The following LMBR1 variants were observed in gnomAD, a reference collection of about 807,000 sequenced individuals.
LMBR1 encodes the protein limb development membrane protein 1.
Under a neutral mutation model 73.9 loss-of-function variants are expected in LMBR1, and 52 were observed. The ratio of observed to expected loss-of-function variants is 0.70; its 90% CI spans 0.56 to 0.89. The LOEUF is 0.89. Among genes scored for constraint, LMBR1 ranks in the 40% least tolerant of loss-of-function variants. The pLI is 0.00. For synonymous variants in LMBR1, 215 were observed against 209.4 expected (o/e 1.03, Z -0.23); for missense variants, 539 against 579.8 (o/e 0.93, Z 0.72).
chr7:156,839,984 A>G (rs1372255283), intron 1 of LMBR1, among the ~76,000 whole-genome samples: 1 of 152,240 alleles, frequency 6.6e-6, no homozygotes, highest in Admixed American at 6.5e-5. Flanking sequence ...TTACAATGGA[A>G]TGAAGTCTGA....
chr7:156,853,622 A>G (rs2134105802), intron 1 of LMBR1, among the ~76,000 whole-genome samples: 1 of 152,212 alleles, frequency 6.6e-6, no homozygotes, highest in Non-Finnish European at 1.5e-5. Context: ...CAAATGATGA[A>G]CCCAAAGGAA....
intron 4 of LMBR1, chr7:156,822,291 T>C (rs1834910532): frequency 6.6e-6 from 1 of 152,222 alleles, no homozygotes; most frequent in South Asian, 2.1e-4. Context: ...ATACATATAT[T>C]CCACTTACTA....
intron 1 of LMBR1, among the ~76,000 whole-genome samples, chr7:156,841,437 T>A (rs1290622494): frequency 6.6e-6 from 1 of 151,598 alleles, no homozygotes; most frequent in Non-Finnish European, 1.5e-5. Context: ...TCCCAGGGAG[T>A]AAGTATAGCC....
chr7:156,730,168 G>A (rs1036284134), intron 10 of LMBR1, among the ~76,000 whole-genome samples: 4 of 152,198 alleles, frequency 2.6e-5, no homozygotes, highest in African/African-American at 9.7e-5. Flanking sequence ...CAAAACTTGA[G>A]AGGCTATGAT....
intron 9 of LMBR1, among the ~76,000 whole-genome samples, chr7:156,748,615 A>G (rs563787686): frequency 6.6e-6 from 1 of 152,050 alleles, no homozygotes; most frequent in East Asian, 1.9e-4. Flanking sequence ...CAGCCTCCCG[A>G]GTAGCTGGGA....
At chr7:156,876,946 G>A (rs1371583491) in intron 1 of LMBR1, among the ~76,000 whole-genome samples, 4 of 151,954 alleles carry the variant, frequency 2.6e-5, no homozygotes, top group East Asian at 1.9e-4. Context: ...CCCAAACCCA[G>A]CAGAAGAAAG....
chr7:156,817,569 T>C (rs1459951753), intron 4 of LMBR1, among the ~76,000 whole-genome samples: 1 of 152,024 alleles, frequency 6.6e-6, no homozygotes, highest in Non-Finnish European at 1.5e-5. Context: ...AGAATTAGAA[T>C]AGCCTCTGCT....
At chr7:156,768,251 G>A (rs1824499156) in intron 5 of LMBR1, among the ~76,000 whole-genome samples, 1 of 151,962 alleles carries the variant, frequency 6.6e-6, no homozygotes, top group Non-Finnish European at 1.5e-5. Flanking sequence ...CAGCTACTTG[G>A]GAGGCTGAGG....
At chr7:156,841,321 TA>T (rs763136226) in intron 1 of LMBR1, among the ~76,000 whole-genome samples, 1 of 152,028 alleles carries the variant, frequency 6.6e-6, no homozygotes, top group Non-Finnish European at 1.5e-5. Flanking sequence ...GGCAGTTGGA[TA>T]AAAATCTGTA....
chr7:156,741,077 T>C (rs1167461344), intron 9 of LMBR1, among the ~76,000 whole-genome samples: 1 of 152,180 alleles, frequency 6.6e-6, no homozygotes, highest in Non-Finnish European at 1.5e-5. Flanking sequence ...ATGTGTTAAG[T>C]TGCCCTCAGT....
At chr7:156,717,074 G>A (rs1209129516) in intron 15 of LMBR1, among the ~76,000 whole-genome samples, 1 of 152,190 alleles carries the variant, frequency 6.6e-6, no homozygotes, top group Non-Finnish European at 1.5e-5. Flanking sequence ...AGAAGGTGGA[G>A]GCTGCAGTGA....
rs190601085 is a variant in LMBR1, at chr7:156,876,065, C to T, written c.66+16863G>A. ...TAAGAATTCACCAACTATCTGCTGC[C>T]TTCAAGAGACTCACCTAACACATAA... On this transcript the variant is annotated intron_variant, in intron 1 of 16. Transcript: ENST00000353442. 9.2e-5 allele frequency among the ~76,000 whole-genome samples: 14 copies of T among 152,268 alleles called. No individual in the cohort carries two copies. The East Asian group carries it at 2.7e-3, about 29-fold the overall frequency.
chr7:156,892,862 G>A (rs1392750768), intron 1 of LMBR1, 66 bp downstream of exon 1: 2 of 1,262,534 alleles, frequency 1.6e-6, no homozygotes, highest in Admixed American at 3.5e-5. Flanking sequence ...CCGGGGGCCC[G>A]GGGGCGGGGA....
intron 1 of LMBR1, among the ~76,000 whole-genome samples, chr7:156,856,650 A>G (rs1797010172): frequency 6.6e-6 from 1 of 151,814 alleles, no homozygotes; most frequent in Non-Finnish European, 1.5e-5. Context: ...TGAATCTGAG[A>G]GGCAGAGGTC....
At chr7:156,701,557 C>A (rs1036762523) in intron 15 of LMBR1, among the ~76,000 whole-genome samples, 1 of 152,202 alleles carries the variant, frequency 6.6e-6, no homozygotes, top group South Asian at 2.1e-4. Flanking sequence ...AACACTGACA[C>A]CATATGCTGG....
At chr7:156,886,592 G>A (rs1801943179) in intron 1 of LMBR1, among the ~76,000 whole-genome samples, 1 of 152,212 alleles carries the variant, frequency 6.6e-6, no homozygotes, top group South Asian at 2.1e-4. Context: ...TCCAATCAAA[G>A]CTATAGTTAT....
At chr7:156,788,794 T>C (rs775478353) in intron 5 of LMBR1, among the ~76,000 whole-genome samples, 2 of 152,224 alleles carry the variant, frequency 1.3e-5, no homozygotes, top group Non-Finnish European at 1.5e-5. Flanking sequence ...ACGCCTGTAA[T>C]CCCAGCACTT....
At chr7:156,695,030 G>A (rs1174271087) in intron 15 of LMBR1, among the ~76,000 whole-genome samples, 1 of 152,188 alleles carries the variant, frequency 6.6e-6, no homozygotes, top group African/African-American at 2.4e-5. Context: ...CAAAATCCTA[G>A]CAGATGTGGT....
At chr7:156,796,032 A>G (rs1393621506) in intron 5 of LMBR1, among the ~76,000 whole-genome samples, 1 of 152,236 alleles carries the variant, frequency 6.6e-6, no homozygotes, top group African/African-American at 2.4e-5. Flanking sequence ...AACGTATGGA[A>G]TAACAGCTAG....
Sources: allele counts gnomAD v4.1 joint callset (sites outside exome capture counted in the v4.1 genomes callset), GRCh38; gene constraint gnomAD v4.1.1; transcripts MANE v1.5; gene names NCBI Gene and HGNC (gene_info 2026-07-23, HGNC 2026-07-21).